The following SERF2 variants were observed in gnomAD, a reference collection of about 807,000 sequenced individuals.
SERF2 encodes the protein small EDRK-rich factor 2, also known as gastric cancer-related protein VRG107.
In SERF2, 4 loss-of-function variants were observed where a neutral mutation model predicts 10.7. That is an observed-to-expected ratio of 0.37 (90% CI 0.18 to 0.86). SERF2 has a LOEUF of 0.86. Ranked by LOEUF, SERF2 falls within the 40% of genes least tolerant of loss-of-function variation. The probability of loss-of-function intolerance (pLI) is 0.43; values close to 1 mark genes in which losing one functional copy is unlikely to be tolerated. For synonymous variants in SERF2, 26 were observed against 26.0 expected, an observed-to-expected ratio of 1.00 and a Z score of 0.01; for missense variants, 47 against 79.1, an observed-to-expected ratio of 0.59 and a Z score of 1.54.
rs1180065743 is a variant in SERF2, at chr15:43,793,784, T to A, written c.*11T>A. 2.5e-6 allele frequency: 4 copies of A among 1,614,040 alleles called. No individual in the cohort carries two copies. In the African/African-American group the frequency reaches 5.3e-5, roughly 22 times the overall value. On this transcript the variant is annotated 3_prime_UTR_variant, in exon 3 of 3. Coordinates refer to ENST00000249786, the MANE Select transcript of SERF2 (RefSeq NM_001018108.4). Reference sequence around the variant, plus strand: ...GAGGAACCCAAGTAGCTTTGTGGCTTCGTGTCCAACCCTCTTGCCCTTCGC... The same window carrying A: ...GAGGAACCCAAGTAGCTTTGTGGCTACGTGTCCAACCCTCTTGCCCTTCGC...
chr15:43,783,829 T>C (rs2141669547), intron 1 of SERF2, among the ~76,000 whole-genome samples: 1 of 151,652 alleles, frequency 6.6e-6, no homozygotes, highest in East Asian at 1.9e-4. Context: ...TGACGTGATC[T>C]TGGCTCACTG....
chr15:43,778,581 C>CAAAAA (rs145368177), intron 1 of SERF2, among the ~76,000 whole-genome samples: 907 of 28,954 alleles, frequency 0.031, 164 homozygotes, highest in Middle Eastern at 0.053. Context: ...GATTCCATCT[C>CAAAAA]AAAAAAAAAA....
At position 43,795,574 on chromosome 15, in the gene SERF2, C is replaced by G; in HGVS notation, c.*1801C>G. The G allele has an allele frequency of 6.2e-7, 1 of 1,613,644 alleles. No individual in the cohort carries two copies. The highest frequency in any genetic ancestry group is 8.5e-7 in the Non-Finnish European group (1 of 1,179,666). ...GAGGAAATGGCTGCTGGGAGCAGAGCTGCTGAAACACCTCTTCCCCTCTCC... is the reference window on the plus strand; with the variant it reads ...GAGGAAATGGCTGCTGGGAGCAGAGGTGCTGAAACACCTCTTCCCCTCTCC... On this transcript the variant is annotated 3_prime_UTR_variant, in exon 3 of 3. Coordinates refer to ENST00000249786, the MANE Select transcript of SERF2 (RefSeq NM_001018108.4).
chr15:43,795,351 C>T lies in SERF2; in HGVS notation c.*1578C>T. ...ATTGCTCTTTCCTTAAAATAGCTAG[C>T]TCTTCAGGAGAGTATCTAAGGCCCA... On this transcript the variant is annotated 3_prime_UTR_variant, in exon 3 of 3. Transcript: ENST00000249786. 6.2e-7 allele frequency: 1 copy of T among 1,610,788 alleles called. No homozygotes were observed. The highest frequency in any genetic ancestry group is 2.2e-5 in the East Asian group (1 of 44,854).
intron 1 of SERF2, among the ~76,000 whole-genome samples, chr15:43,783,928 T>TA (rs2086984825): frequency 1.2e-4 from 2 of 17,298 alleles, no homozygotes; most frequent in Non-Finnish European, 3.1e-4. Flanking sequence ...CGCCCAGCTA[T>TA]TTTTTTTTTT....
exon 1 of SERF2, chr15:43,777,206 G>T: frequency 1.8e-6 from 1 of 570,170 alleles, no homozygotes. Context: ...CGCGACCAGC[G>T]TCTGACCTCT....
chr15:43,782,999 C>G (rs1179047101), intron 1 of SERF2, among the ~76,000 whole-genome samples: 1 of 147,398 alleles, frequency 6.8e-6, no homozygotes, highest in East Asian at 2.0e-4. Flanking sequence ...CACGCACCAC[C>G]ACACCTGGCT....
chr15:43,795,609 C>G lies in SERF2; in HGVS notation c.*1836C>G. On this transcript the variant is annotated 3_prime_UTR_variant, in exon 3 of 3. Transcript: ENST00000249786. ...ACCTCTTCCCCTCTCCCCCAACTAC[C>G]TTTGTTAAGGCTCTTGAGGGTTCTT... The G allele has an allele frequency of 6.2e-7, 1 of 1,611,722 alleles. No individual in the cohort carries two copies.
At chr15:43,780,136 T>G (rs1486195169) in intron 1 of SERF2, among the ~76,000 whole-genome samples, 1 of 152,058 alleles carries the variant, frequency 6.6e-6, no homozygotes. Flanking sequence ...TAAAAAATGT[T>G]TATTTATTTT....
chr15:43,777,932 T>C (rs1412276566), intron 1 of SERF2: 2 of 151,036 alleles, frequency 1.3e-5, no homozygotes, highest in East Asian at 3.9e-4. Context: ...AAATTACCTA[T>C]ACATTTGTCA....
intron 1 of SERF2, among the ~76,000 whole-genome samples, chr15:43,784,933 A>G (rs2086993877): frequency 6.9e-6 from 1 of 144,548 alleles, no homozygotes; most frequent in South Asian, 2.4e-4. Flanking sequence ...TTGTATTTTT[A>G]GTAAAGACAA....
chr15:43,782,922 G>T (rs1317480454), intron 1 of SERF2, among the ~76,000 whole-genome samples: 1 of 150,856 alleles, frequency 6.6e-6, no homozygotes, highest in African/African-American at 2.4e-5. Context: ...TCGGCTCACT[G>T]CAACCTCTGC....
At chr15:43,783,940 T>A (rs1293492657) in intron 1 of SERF2, among the ~76,000 whole-genome samples, 2 of 134,050 alleles carry the variant, frequency 1.5e-5, no homozygotes, top group South Asian at 2.6e-4. Flanking sequence ...TTTTTTTTTT[T>A]TTTTTTTTTT....
rs1303004153 is a variant in SERF2, at chr15:43,795,211, T to C, written c.*1438T>C. On this transcript the variant is annotated 3_prime_UTR_variant, in exon 3 of 3. Coordinates refer to ENST00000249786, the MANE Select transcript of SERF2 (RefSeq NM_001018108.4). ...GGTCTTTTCCAGTTCTGCTCCCTCA[T>C]AGCTGTGTAACCAAAGGCTCTGGTT... 2 of 1,614,022 alleles carry C rather than the reference T, an allele frequency of 1.2e-6. No individual in the cohort carries two copies. Among genetic ancestry groups the C allele is most frequent in the Admixed American group, 1.7e-5 (1 of 60,026 alleles).
At chr15:43,784,816 A>C (rs916339704) in intron 1 of SERF2, among the ~76,000 whole-genome samples, 1 of 145,714 alleles carries the variant, frequency 6.9e-6, no homozygotes, top group Non-Finnish European at 1.5e-5. Flanking sequence ...GTAATGACTG[A>C]ATCTTGGCTC....
chr15:43,784,748 G>T (rs1035113244), intron 1 of SERF2, among the ~76,000 whole-genome samples: 3 of 150,018 alleles, frequency 2.0e-5, no homozygotes, highest in Non-Finnish European at 4.4e-5. Flanking sequence ...GAGCCACCGC[G>T]CCCGGCCCTA....
chr15:43,782,354 A>G (rs1270070383), intron 1 of SERF2, among the ~76,000 whole-genome samples: 1 of 152,134 alleles, frequency 6.6e-6, no homozygotes. Context: ...TGTGACACTT[A>G]CCATATTATG....
Position 43,793,878 on chromosome 15 carries a change from A to G in SERF2, c.*105A>G. 1 of 1,608,472 alleles carries G rather than the reference A, an allele frequency of 6.2e-7. No homozygotes were observed. Among genetic ancestry groups the G allele is most frequent in the East Asian group, 2.2e-5 (1 of 44,796 alleles). ...GTAGTGCTCACAGGTCCCAGCACCG[A>G]TGGCATTCCCTTTGCCCTGAGTCTG... On this transcript the variant is annotated 3_prime_UTR_variant, in exon 3 of 3. Transcript: ENST00000249786.
chr15:43,778,206 A>C (rs1233134817), intron 1 of SERF2: 3 of 151,670 alleles, frequency 2.0e-5, no homozygotes, highest in Non-Finnish European at 4.4e-5. Flanking sequence ...CTCGTGATCC[A>C]CCCGCCTCGG....
Sources: gnomAD v4.1 joint callset for allele counts (sites outside exome capture counted in the v4.1 genomes callset) on GRCh38, gnomAD v4.1.1 for gene constraint, MANE v1.5 for transcripts, NCBI Gene and HGNC (gene_info 2026-07-23, HGNC 2026-07-21) for gene names.